C7: variants seen among roughly 807,000 people sequenced by gnomAD.
C7 encodes complement C7.
C7 carries 83 observed loss-of-function variants against 104.8 expected under a neutral mutation model. The ratio of observed to expected loss-of-function variants is 0.79; its 90% CI spans 0.66 to 0.95. The LOEUF is 0.95. C7 is among the 40% of genes least tolerant of loss of function. The pLI, the probability that C7 is intolerant of heterozygous loss-of-function variation, is 0.00. For synonymous variants in C7, 415 were observed against 360.6 expected, an observed-to-expected ratio of 1.15 and a Z score of -1.71; for missense variants, 1,070 against 1,011.2, an observed-to-expected ratio of 1.06 and a Z score of -0.79.
chr5:40,938,304 C>T (rs1054960854), intron 6 of C7, among the ~76,000 whole-genome samples: 14 of 151,436 alleles, frequency 9.2e-5, no homozygotes, highest in Admixed American at 5.3e-4. Context: ...TGTTTTTGTC[C>T]CTAAATATAA....
intron 9 of C7, among the ~76,000 whole-genome samples, chr5:40,954,688 A>T (rs918983141): frequency 1.3e-5 from 2 of 151,832 alleles, no homozygotes; most frequent in Admixed American, 1.3e-4. Flanking sequence ...GTTCGAGACC[A>T]GTCTGGCCAA....
intron 6 of C7, among the ~76,000 whole-genome samples, chr5:40,941,492 G>A (rs1235127755): frequency 1.3e-5 from 2 of 152,110 alleles, no homozygotes; most frequent in Non-Finnish European, 2.9e-5. Flanking sequence ...TTTCTGGTTA[G>A]TTAAGGAGAT....
intron 1 of C7, among the ~76,000 whole-genome samples, chr5:40,927,218 C>A (rs1343608321): frequency 6.6e-6 from 1 of 151,744 alleles, no homozygotes; most frequent in Admixed American, 6.6e-5. Context: ...TAAATAGGAC[C>A]CTTATCTAGC....
intron 3 of C7, among the ~76,000 whole-genome samples, chr5:40,932,489 CTT>C (rs1028142059): frequency 1.3e-5 from 2 of 152,042 alleles, no homozygotes; most frequent in Non-Finnish European, 2.9e-5. Context: ...TTAAAAATCA[CTT>C]TTAATTATTA....
chr5:40,922,487 G>A (rs1188499751), intron 1 of C7, among the ~76,000 whole-genome samples: 1 of 150,926 alleles, frequency 6.6e-6, no homozygotes, highest in East Asian at 2.0e-4. Flanking sequence ...GGATCATGAA[G>A]TTAGGAGTTT....
chr5:40,921,013 C>T lies in C7; in HGVS notation c.7-7567C>T, dbSNP rs182938323. On this transcript the variant is annotated intron_variant, in intron 1 of 17. Coordinates refer to ENST00000313164, the MANE Select transcript of C7 (RefSeq NM_000587.4). Reference sequence around the variant, plus strand: ...GCAGTTAGCCAAAATGATGCCACTGCACTTCAGCCTGGGCGACAGAGCAAG... The same window carrying T: ...GCAGTTAGCCAAAATGATGCCACTGTACTTCAGCCTGGGCGACAGAGCAAG... Among the ~76,000 whole-genome samples the T allele has an allele frequency of 2.4e-3, 358 of 148,948 alleles. 1 individual carries two copies. The highest frequency in any genetic ancestry group is 5.3e-3 in the Admixed American group (79 of 14,844).
At chr5:40,914,644 G>C (rs1370104428) in intron 1 of C7, among the ~76,000 whole-genome samples, 1 of 152,096 alleles carries the variant, frequency 6.6e-6, no homozygotes, top group Non-Finnish European at 1.5e-5. Context: ...TTTTGTATAA[G>C]GTGAGAGACA....
intron 12 of C7, among the ~76,000 whole-genome samples, chr5:40,959,864 A>G (rs1449699983): frequency 1.3e-5 from 2 of 152,214 alleles, no homozygotes; most frequent in East Asian, 3.8e-4. Context: ...GGATACGATC[A>G]TTCTCATTCG....
At chr5:40,932,088 T>A (rs1321366532) in intron 3 of C7, among the ~76,000 whole-genome samples, 1 of 152,168 alleles carries the variant, frequency 6.6e-6, no homozygotes, top group African/African-American at 2.4e-5. Context: ...ACAAATTATA[T>A]AACAGCATTT....
rs147310792 is a variant in C7, at chr5:40,914,862, A to C, written c.6+5246A>C. Among the ~76,000 whole-genome samples the C allele has an allele frequency of 1.6e-3, 242 of 152,292 alleles. 1 individual carries two copies. The highest frequency in any genetic ancestry group is 3.9e-3 in the Admixed American group (60 of 15,288). On this transcript the variant is annotated intron_variant, in intron 1 of 17. Transcript: ENST00000313164. Reference sequence around the variant, plus strand: ...CTCCTTTAGCAGAGTAAATAAACCCAGCAGTATCAGTTACAGCGCGGACAT... The same window carrying C: ...CTCCTTTAGCAGAGTAAATAAACCCCGCAGTATCAGTTACAGCGCGGACAT...
At chr5:40,943,527 A>G (rs1406100909) in intron 6 of C7, among the ~76,000 whole-genome samples, 1 of 151,962 alleles carries the variant, frequency 6.6e-6, no homozygotes, top group Non-Finnish European at 1.5e-5. Context: ...TTTGTATTTG[A>G]ATTGTGGATA....
chr5:40,945,290 G>T lies in C7; in HGVS notation c.660G>T (p.Arg220=). 6.2e-7 allele frequency: 1 copy of T among 1,607,978 alleles called. No individual in the cohort carries two copies. The highest frequency in any genetic ancestry group is 8.5e-7 in the Non-Finnish European group (1 of 1,176,846). The change falls in exon 7 of 18, where the codon CGG becomes CGT. Residue 220 remains arginine (R), a synonymous_variant. Transcript: ENST00000313164. ...HTSTEHTSSS[R]KRSFFRSSSS... is the part of the protein sequence containing the mutation. ...CGACAGAACACACATCATCTAGTCGGAAGCGCTCCTTTTTTAGATCTTCAT... is the reference window on the plus strand; with the variant it reads ...CGACAGAACACACATCATCTAGTCGTAAGCGCTCCTTTTTTAGATCTTCAT...
intron 1 of C7, among the ~76,000 whole-genome samples, chr5:40,927,736 T>C (rs1723232706): frequency 6.6e-6 from 1 of 152,056 alleles, no homozygotes; most frequent in East Asian, 1.9e-4. Context: ...TAAAATCACA[T>C]TGAGTTATCA....
intron 14 of C7, 131 bp from the exon 15 acceptor site, chr5:40,972,272 G>A: frequency 1.3e-6 from 1 of 745,014 alleles, no homozygotes; most frequent in Non-Finnish European, 2.3e-6. Flanking sequence ...CCCTAACAGT[G>A]AACTTACGTC....
chr5:40,970,050 A>G (rs1212033802), intron 14 of C7, among the ~76,000 whole-genome samples: 1 of 152,102 alleles, frequency 6.6e-6, no homozygotes, highest in East Asian at 1.9e-4. Context: ...ATAAGATGTG[A>G]CTTGTACTTT....
intron 12 of C7, among the ~76,000 whole-genome samples, chr5:40,961,743 C>T (rs542704541): frequency 3.3e-5 from 5 of 152,092 alleles, no homozygotes; most frequent in Non-Finnish European, 5.9e-5. Context: ...CAGAACCAAA[C>T]GGCAAGAGGA....
rs557142387 is a variant in C7 at position 40,961,692 on chromosome 5, C to G, written c.1662-393C>G. 1.6e-4 allele frequency among the ~76,000 whole-genome samples: 24 copies of G among 152,240 alleles called. No individual in the cohort carries two copies. The South Asian group carries it at 4.6e-3, about 29-fold the overall frequency. ...TGAGCTGTCGCATCTCGTCCAATAC[C>G]TTATTTTCAATACAGAATTAATTCT... On this transcript the variant is annotated intron_variant, in intron 12 of 17. Transcript: ENST00000313164.
At chr5:40,919,209 C>T (rs905898297) in intron 1 of C7, among the ~76,000 whole-genome samples, 1 of 151,824 alleles carries the variant, frequency 6.6e-6, no homozygotes, top group South Asian at 2.1e-4. Context: ...CTACAACCTC[C>T]ACCTCCCAGG....
At chr5:40,959,646 G>A in intron 12 of C7, 26 bp downstream of exon 12, 5 of 1,542,998 alleles carry the variant, frequency 3.2e-6, no homozygotes, top group Non-Finnish European at 4.4e-6. Context: ...CCCCCTGGCA[G>A]TTGCATAGAA....
Sources: gnomAD v4.1 joint callset for allele counts (sites outside exome capture counted in the v4.1 genomes callset) on GRCh38, gnomAD v4.1.1 for gene constraint, MANE v1.5 for transcripts, NCBI Gene and HGNC (gene_info 2026-07-23, HGNC 2026-07-21) for gene names.